PLXNA2: variants seen among roughly 807,000 people sequenced by gnomAD.
PLXNA2 encodes the protein plexin A2, also known as plexin-A2.
In PLXNA2, 91 loss-of-function variants were observed where a neutral mutation model predicts 193.5. The ratio of observed to expected loss-of-function variants is 0.47; its 90% CI spans 0.40 to 0.56. The LOEUF is 0.56. Among genes scored for constraint, PLXNA2 ranks in the 20% least tolerant of loss-of-function variants. The probability of loss-of-function intolerance (pLI) is 0.00; values close to 1 mark genes in which losing one functional copy is unlikely to be tolerated. For synonymous variants in PLXNA2, 997 were observed against 1,027.3 expected (o/e 0.97, Z 0.56); for missense variants, 1,995 against 2,503.2 (o/e 0.80, Z 4.33).
intron 4 of PLXNA2, among the ~76,000 whole-genome samples, chr1:208,125,936 ATGGT>A (rs1667962623): frequency 6.6e-6 from 1 of 152,164 alleles, no homozygotes; most frequent in East Asian, 1.9e-4. Flanking sequence ...GTGGATTGAG[ATGGT>A]TTTGAGCTCT....
chr1:208,232,558 TTC>T (rs1197717060), intron 1 of PLXNA2, among the ~76,000 whole-genome samples: 4 of 152,254 alleles, frequency 2.6e-5, no homozygotes, highest in African/African-American at 9.6e-5. Context: ...TCATTTAAAT[TTC>T]TCTGTCTCCA....
At chr1:208,120,068 C>G (rs1042139379) in intron 4 of PLXNA2, among the ~76,000 whole-genome samples, 16 of 152,196 alleles carry the variant, frequency 1.1e-4, no homozygotes, top group Non-Finnish European at 1.0e-4. Context: ...GCTCTAAGCA[C>G]AGGGCTTTGG....
intron 1 of PLXNA2, among the ~76,000 whole-genome samples, 188 bp downstream of exon 1, chr1:208,243,455 C>T (rs1321465957): frequency 1.3e-5 from 2 of 152,010 alleles, no homozygotes; most frequent in Non-Finnish European, 2.9e-5. Flanking sequence ...ATCGCGCGCA[C>T]GCCGCGCTCC....
intron 5 of PLXNA2, among the ~76,000 whole-genome samples, chr1:208,099,857 C>T (rs574226462): frequency 6.6e-6 from 1 of 152,062 alleles, no homozygotes; most frequent in South Asian, 2.1e-4. Context: ...GTGTGAGCCA[C>T]CGCACCTGGC....
At chr1:208,232,613 C>T (rs188686893) in intron 1 of PLXNA2, among the ~76,000 whole-genome samples, 22 of 152,272 alleles carry the variant, frequency 1.4e-4, no homozygotes, top group African/African-American at 4.6e-4. Flanking sequence ...GCTTCCGTCC[C>T]GTTTATGACA....
At chr1:208,147,031 A>G (rs1395418142) in intron 3 of PLXNA2, among the ~76,000 whole-genome samples, 1 of 152,076 alleles carries the variant, frequency 6.6e-6, no homozygotes, top group Non-Finnish European at 1.5e-5. Context: ...TAAACTACTT[A>G]TTTATTTTAA....
intron 17 of PLXNA2, among the ~76,000 whole-genome samples, chr1:208,049,529 G>C (rs1665187012): frequency 6.6e-6 from 1 of 152,150 alleles, no homozygotes; most frequent in Admixed American, 6.5e-5. Context: ...GGTGGATACT[G>C]AAGGTGTGGT....
At chr1:208,097,243 G>C (rs1666929995) in intron 6 of PLXNA2, among the ~76,000 whole-genome samples, 1 of 152,230 alleles carries the variant, frequency 6.6e-6, no homozygotes. Flanking sequence ...TTGAAAGCAA[G>C]TCCTGAGCCG....
intron 3 of PLXNA2, among the ~76,000 whole-genome samples, chr1:208,185,696 CAAAAAAAAAAAAA>C (rs56384277): frequency 3.5e-5 from 2 of 57,256 alleles, no homozygotes; most frequent in South Asian, 9.9e-4. Context: ...TCTCTGAAAG[CAAAAAAAAAAAAA>C]AAAAAAAAAG....
intron 17 of PLXNA2, among the ~76,000 whole-genome samples, chr1:208,050,269 A>G (rs935862280): frequency 8.5e-5 from 13 of 152,248 alleles, no homozygotes; most frequent in African/African-American, 2.9e-4. Flanking sequence ...CACCATTCAT[A>G]GCTGAGAGGT....
intron 28 of PLXNA2, chr1:208,032,220 C>T (rs949535111): frequency 2.5e-6 from 2 of 796,894 alleles, no homozygotes; most frequent in Non-Finnish European, 1.5e-6. Context: ...TGACCTGAGA[C>T]AAGTGGTATC....
intron 1 of PLXNA2, among the ~76,000 whole-genome samples, chr1:208,239,239 T>G (rs1671968915): frequency 6.6e-6 from 1 of 151,918 alleles, no homozygotes; most frequent in East Asian, 1.9e-4. Flanking sequence ...ACCTGCTACT[T>G]CGGCTTCTCA....
intron 27 of PLXNA2, among the ~76,000 whole-genome samples, chr1:208,033,839 T>A (rs1664585098): frequency 1.3e-5 from 2 of 152,180 alleles, no homozygotes; most frequent in South Asian, 4.1e-4. Flanking sequence ...TTCGTCGGTG[T>A]TTTAATAGAA....
chr1:208,064,252 G>T (rs1440830358), intron 12 of PLXNA2, among the ~76,000 whole-genome samples: 3 of 152,200 alleles, frequency 2.0e-5, no homozygotes, highest in Admixed American at 6.5e-5. Context: ...CCAAGGGTTT[G>T]CATGTAAATC....
At chr1:208,184,109 C>G (rs1424984817) in intron 3 of PLXNA2, among the ~76,000 whole-genome samples, 1 of 152,142 alleles carries the variant, frequency 6.6e-6, no homozygotes, top group East Asian at 1.9e-4. Context: ...AGTTTTTACT[C>G]AAGTGTAACT....
chr1:208,073,316 G>A (rs1400688843), intron 12 of PLXNA2, among the ~76,000 whole-genome samples: 2 of 152,306 alleles, frequency 1.3e-5, no homozygotes, highest in South Asian at 4.1e-4. Context: ...TGCAGAGGGT[G>A]GAGATTAGAA....
intron 13 of PLXNA2, among the ~76,000 whole-genome samples, chr1:208,059,758 T>G (rs1335684583): frequency 6.6e-6 from 1 of 152,216 alleles, no homozygotes; most frequent in Non-Finnish European, 1.5e-5. Context: ...CCTTACCAAT[T>G]AAAAATGAGA....
chr1:208,235,561 A>G (rs1389041674), intron 1 of PLXNA2, among the ~76,000 whole-genome samples: 1 of 152,218 alleles, frequency 6.6e-6, no homozygotes, highest in Admixed American at 6.5e-5. Flanking sequence ...GCCAGAGCGT[A>G]ACTAACCTCT....
chr1:208,199,947 G>A (rs1044636722), intron 3 of PLXNA2, among the ~76,000 whole-genome samples: 1 of 152,234 alleles, frequency 6.6e-6, no homozygotes, highest in Non-Finnish European at 1.5e-5. Flanking sequence ...ACACATTTAA[G>A]GGAACACTCT....
Sources: gnomAD v4.1 joint callset for allele counts (sites outside exome capture counted in the v4.1 genomes callset) on GRCh38, gnomAD v4.1.1 for gene constraint, MANE v1.5 for transcripts, NCBI Gene and HGNC (gene_info 2026-07-23, HGNC 2026-07-21) for gene names.